LYAR: variants seen among roughly 807,000 people sequenced by gnomAD.
The protein encoded by LYAR is Ly1 antibody reactive, also known as cell growth-regulating nucleolar protein.
LYAR carries 37 observed loss-of-function variants against 45.2 expected under a neutral mutation model. The ratio of observed to expected loss-of-function variants is 0.82; its 90% CI spans 0.63 to 1.08. LYAR has a LOEUF of 1.08. Among genes scored for constraint, LYAR ranks in the 50% least tolerant of loss-of-function variants. LYAR has a pLI of 0.00. For missense variants in LYAR, 493 were observed against 451.0 expected (o/e 1.09, Z -0.84); for synonymous variants, 176 against 155.1 (o/e 1.14, Z -1.00).
chr4:4,288,744 C>T (rs112162635), intron 1 of LYAR, among the ~76,000 whole-genome samples: 7 of 152,270 alleles, frequency 4.6e-5, no homozygotes, highest in African/African-American at 1.4e-4. Flanking sequence ...CCTCGGCCTC[C>T]CAAAGTGCTC....
intron 2 of LYAR, among the ~76,000 whole-genome samples, chr4:4,284,192 A>T (rs1308365805): frequency 6.6e-6 from 1 of 152,232 alleles, no homozygotes; most frequent in African/African-American, 2.4e-5. Context: ...CAAGATGAAG[A>T]GCTTTGAGGG....
At chr4:4,286,840 A>C (rs1420545304) in intron 1 of LYAR, among the ~76,000 whole-genome samples, 3 of 151,978 alleles carry the variant, frequency 2.0e-5, no homozygotes, top group Non-Finnish European at 4.4e-5. Context: ...GTAGAGATAG[A>C]TGGGGTTTCA....
intron 2 of LYAR, among the ~76,000 whole-genome samples, chr4:4,284,526 G>C (rs35339895): frequency 0.017 from 2,648 of 152,294 alleles, 35 homozygotes; most frequent in Non-Finnish European, 0.028. Flanking sequence ...ACGGAACCAA[G>C]TCCAGGTGTC....
chr4:4,271,039 A>G (rs1439857757), intron 8 of LYAR, among the ~76,000 whole-genome samples: 1 of 152,200 alleles, frequency 6.6e-6, no homozygotes, highest in East Asian at 1.9e-4. Flanking sequence ...TACTCTAGTT[A>G]TTTTAAAATG....
intron 8 of LYAR, among the ~76,000 whole-genome samples, chr4:4,272,787 C>T (rs75250358): frequency 0.095 from 14,395 of 152,170 alleles, 932 homozygotes; most frequent in Non-Finnish European, 0.14. Flanking sequence ...GAGATCTAAC[C>T]CAATGCTGGC....
chr4:4,268,758 T>C, intron 8 of LYAR, 143 bp from the exon 9 acceptor site: 1 of 597,168 alleles, frequency 1.7e-6, no homozygotes, highest in Non-Finnish European at 2.9e-6. Context: ...ACCAAGCATC[T>C]GTTCAATTCC....
In LYAR at chr4:4,274,763, CT is replaced by C; in HGVS notation, c.435del (p.Val146SerfsTer29). The C allele has an allele frequency of 6.3e-7, 1 of 1,589,832 alleles. No individual in the cohort carries two copies. The highest frequency in any genetic ancestry group is 8.5e-7 in the Non-Finnish European group (1 of 1,173,518). On this transcript the variant is annotated frameshift_variant, in exon 7 of 10. Coordinates refer to ENST00000343470, the MANE Select transcript of LYAR (RefSeq NM_017816.3). LOFTEE classifies it high-confidence loss of function. ...NIFSEASNSE[P>X]VNKEQDQRPL... ...GGCCGTTGATCCTGTTCCTTATTGACTGGTTCCTTATCATTAAGCAAAAGCA... is the reference window on the plus strand; with the variant it reads ...GGCCGTTGATCCTGTTCCTTATTGACGGTTCCTTATCATTAAGCAAAAGCA...
chr4:4,274,255 A>C (rs984906408), intron 7 of LYAR, 112 bp downstream of exon 7: 96 of 1,229,304 alleles, frequency 7.8e-5, no homozygotes, highest in Non-Finnish European at 1.1e-4. Flanking sequence ...CAAAAAAAAA[A>C]AAAACCACAC....
At chr4:4,278,298 A>G (rs1174902825) in intron 6 of LYAR, among the ~76,000 whole-genome samples, 1 of 152,202 alleles carries the variant, frequency 6.6e-6, no homozygotes, top group Non-Finnish European at 1.5e-5. Context: ...CGATAATTTG[A>G]TAAGAATGAA....
chr4:4,273,599 A>T lies in LYAR; in HGVS notation c.903T>A (p.Asp301Glu). The change falls in exon 8 of 10, where the codon GAT becomes GAA. Residue 301 changes from aspartate (D) to glutamate (E), a missense_variant. Coordinates refer to ENST00000343470, the MANE Select transcript of LYAR (RefSeq NM_017816.3). ...GTGATATACCTTTTGCAGGAGCCTC[A>T]TCGTCTTCTGGTTCTCCGCCCTCAG... The part of the protein sequence containing the change: ...EHPEGGEPED[D>E]EAPAKGKFNW... The T allele has an allele frequency of 1.9e-6, 3 of 1,613,356 alleles. No homozygotes were observed. The highest frequency in any genetic ancestry group is 2.5e-6 in the Non-Finnish European group (3 of 1,179,464).
chr4:4,279,622 T>C lies in LYAR; in HGVS notation c.345+20A>G. The C allele has an allele frequency of 6.2e-7, 1 of 1,601,806 alleles. No individual in the cohort carries two copies. Among genetic ancestry groups the C allele is most frequent in the Non-Finnish European group, 8.6e-7 (1 of 1,168,946 alleles). ...TGATGGGCCACACGGCCCCCTCCAT[T>C]CAAGAAAGTCAATTCATACCTGAAA... On this transcript the variant is annotated intron_variant, in intron 5 of 9. Coordinates refer to ENST00000343470, the MANE Select transcript of LYAR (RefSeq NM_017816.3).
chr4:4,280,801 A>C (rs1363592843), intron 4 of LYAR, among the ~76,000 whole-genome samples: 1 of 152,208 alleles, frequency 6.6e-6, no homozygotes, highest in African/African-American at 2.4e-5. Flanking sequence ...TCAGTAAGCT[A>C]GTTAATGTCT....
intron 4 of LYAR, 107 bp from the exon 5 acceptor site, chr4:4,279,856 A>C: frequency 2.9e-6 from 2 of 683,974 alleles, no homozygotes; most frequent in Admixed American, 5.5e-5. Flanking sequence ...TCACGTTTTA[A>C]GCCCAGATTC....
Position 4,273,485 on chromosome 4 carries a change from C to G in LYAR, c.919+98G>C. ...CTCACTACAGCCTCACACTCCTGAG[C>G]TCAAGTGACCCTCCTGCCCCTGCCT... is the stretch of plus-strand genomic sequence containing the variant. On this transcript the variant is annotated intron_variant, in intron 8 of 9. Coordinates refer to ENST00000343470, the MANE Select transcript of LYAR (RefSeq NM_017816.3). 7 of 798,548 alleles carry G rather than the reference C, an allele frequency of 8.8e-6. No homozygotes were observed. In the South Asian group the frequency reaches 9.4e-5, roughly 11 times the overall value. 49.5% of individuals were successfully genotyped at this position (798,548 alleles called of 1,614,324 possible).
Position 4,281,820 on chromosome 4 carries a change from GT to G in LYAR, c.199del (p.Thr67ProfsTer18). 6.2e-7 allele frequency: 1 copy of G among 1,614,170 alleles called. No individual in the cohort carries two copies. Among genetic ancestry groups the G allele is most frequent in the Non-Finnish European group, 8.5e-7 (1 of 1,180,006 alleles). ...CTGCTGTTTGATGTCGCCTTTGTGG[GT>G]TTTACCTTCATAGCCTTTGCCACCA... is the stretch of plus-strand genomic sequence containing the variant. The part of the protein sequence containing the change: ...KYGGKGYEGK[T>X]HKGDIKQQAW... On this transcript the variant is annotated frameshift_variant, in exon 4 of 10. Coordinates refer to ENST00000343470, the MANE Select transcript of LYAR (RefSeq NM_017816.3). LOFTEE classifies it high-confidence loss of function.
intron 7 of LYAR, 130 bp from the exon 8 acceptor site, chr4:4,273,799 C>T (rs1577211960): frequency 1.7e-6 from 1 of 600,740 alleles, no homozygotes; most frequent in Non-Finnish European, 2.9e-6. Context: ...CTGCCCAGCC[C>T]CGGTTTATAA....
chr4:4,278,243 C>T (rs1054055678), intron 6 of LYAR, among the ~76,000 whole-genome samples: 1 of 152,064 alleles, frequency 6.6e-6, no homozygotes, highest in African/African-American at 2.4e-5. Context: ...TCTTGATGCC[C>T]ACTTGTTGCC....
Position 4,274,751 on chromosome 4 carries a change from G to C in LYAR, c.448C>G (p.Gln150Glu). ...ACTGGGTGGAGTGGCCGTTGATCCTGTTCCTTATTGACTGGTTCCTTATCA... is the reference window on the plus strand; with the variant it reads ...ACTGGGTGGAGTGGCCGTTGATCCTCTTCCTTATTGACTGGTTCCTTATCA... ...ASNSEPVNKE[Q>E]DQRPLHPVAN... Residue 150 changes from glutamine to glutamate, a missense_variant, in exon 7 of 10, where the codon CAG (glutamine) becomes GAG (glutamate). Physicochemically the swap from Gln to Glu is conservative, Grantham distance 29 (BLOSUM62 2). Transcript: ENST00000343470. 1 of 1,601,042 alleles carries C rather than the reference G, an allele frequency of 6.2e-7. No individual in the cohort carries two copies. Among genetic ancestry groups the C allele is most frequent in the African/African-American group, 1.4e-5 (1 of 73,792 alleles).
chr4:4,288,252 A>G (rs16835161), intron 1 of LYAR, among the ~76,000 whole-genome samples: 1,762 of 152,266 alleles, frequency 0.012, 31 homozygotes, highest in African/African-American at 0.04. Context: ...TAATTTGCAC[A>G]TCAATGCTAT....
Sources: gnomAD v4.1 joint callset for allele counts (sites outside exome capture counted in the v4.1 genomes callset) on GRCh38, gnomAD v4.1.1 for gene constraint, MANE v1.5 for transcripts, NCBI Gene and HGNC (gene_info 2026-07-23, HGNC 2026-07-21) for gene names.